Variants in PLB1 observed in about 807,000 individuals in gnomAD.
PLB1 encodes the protein phospholipase B1, membrane-associated.
In PLB1, 242 loss-of-function variants were observed where a neutral mutation model predicts 227.4. The ratio of observed to expected loss-of-function variants is 1.06; its 90% CI spans 0.96 to 1.18. The LOEUF (loss-of-function observed/expected upper bound fraction) is 1.18, where lower values mean the gene tolerates loss of function less well. PLB1 is among the 50% of genes most tolerant of loss of function. The pLI, the probability that PLB1 is intolerant of heterozygous loss-of-function variation, is 0.00. For missense variants in PLB1, 1,858 were observed against 1,816.3 expected, an observed-to-expected ratio of 1.02 and a Z score of -0.42; for synonymous variants, 757 against 682.2, an observed-to-expected ratio of 1.11 and a Z score of -1.71.
chr2:28,525,659 C>T (rs185358921), intron 5 of PLB1, among the ~76,000 whole-genome samples: 1 of 152,288 alleles, frequency 6.6e-6, no homozygotes, highest in African/African-American at 2.4e-5. Context: ...TCAGTTTCCC[C>T]TTGCAGCTTT....
At chr2:28,600,978 C>A in intron 36 of PLB1, 118 bp downstream of exon 36, 3 of 954,354 alleles carry the variant, frequency 3.1e-6, no homozygotes, top group South Asian at 3.0e-5. Context: ...GGCATTCAAG[C>A]AGTGGTCGGA....
intron 46 of PLB1, 130 bp from the exon 47 acceptor site, chr2:28,620,134 CT>C (rs1369296902): frequency 1.7e-6 from 1 of 575,482 alleles, no homozygotes; most frequent in East Asian, 3.0e-5. Flanking sequence ...TTAATATGGC[CT>C]GGAGAAAAGC....
chr2:28,620,179 C>A, intron 46 of PLB1, 86 bp from the exon 47 acceptor site: 1 of 895,924 alleles, frequency 1.1e-6, no homozygotes, highest in Non-Finnish European at 1.6e-6. Context: ...AATCCAGGTC[C>A]TAGCTGCTAC....
chr2:28,529,589 A>T, intron 7 of PLB1, 139 bp from the exon 8 acceptor site: 1 of 989,724 alleles, frequency 1.0e-6, no homozygotes, highest in South Asian at 1.6e-5. Flanking sequence ...TTTGAAAAAC[A>T]GGTCAATGCC....
intron 1 of PLB1, among the ~76,000 whole-genome samples, chr2:28,511,786 A>ATTTTTTTTTTTTTTT (rs1668285878): frequency 8.5e-6 from 1 of 117,164 alleles, no homozygotes; most frequent in African/African-American, 3.2e-5. Context: ...CAGCCATTTT[A>ATTTTTTTTTTTTTTT]TCTTTTTTTT....
At chr2:28,562,540 CAAAAA>C (rs60393903) in intron 17 of PLB1, among the ~76,000 whole-genome samples, 1 of 42,606 alleles carries the variant, frequency 2.3e-5, no homozygotes, top group Non-Finnish European at 3.9e-5. Flanking sequence ...GACTCTGTCT[CAAAAA>C]AAAAAAAAAA....
intron 49 of PLB1, among the ~76,000 whole-genome samples, chr2:28,622,384 A>G (rs544013745): frequency 2.4e-4 from 36 of 152,374 alleles, no homozygotes; most frequent in South Asian, 1.2e-3. Flanking sequence ...CAGGGTTGTC[A>G]TAAGGATTAA....
intron 21 of PLB1, 90 bp from the exon 22 acceptor site, chr2:28,578,017 C>T: frequency 7.5e-7 from 1 of 1,329,608 alleles, no homozygotes; most frequent in Non-Finnish European, 1.1e-6. Flanking sequence ...CTGGGCCTTC[C>T]TCCACCATAC....
At position 28,573,240 on chromosome 2, in the gene PLB1, T is replaced by C; in HGVS notation, c.1368T>C (p.Val456=). 6.2e-7 allele frequency: 1 copy of C among 1,614,166 alleles called. No homozygotes were observed. The highest frequency in any genetic ancestry group is 8.5e-7 in the Non-Finnish European group (1 of 1,180,014). The change falls in exon 21 of 58, where the codon GTT becomes GTC. Residue 456 remains valine (V), a synonymous_variant. Transcript: ENST00000327757. ...EFNPSLKGFS[V]GTGKETSPNA... ...ACCCTTCCCTGAAGGGCTTCTCTGT[T>C]GGCACTGGGAAAGAAACCAGTCCTA... is the stretch of plus-strand genomic sequence containing the variant.
chr2:28,578,708 T>C (rs1477971594), intron 22 of PLB1, among the ~76,000 whole-genome samples: 1 of 152,102 alleles, frequency 6.6e-6, no homozygotes, highest in East Asian at 1.9e-4. Flanking sequence ...CGGTCTCAAT[T>C]CAGAGGCTTT....
intron 1 of PLB1, among the ~76,000 whole-genome samples, chr2:28,503,779 G>A (rs771442265): frequency 1.2e-4 from 19 of 152,102 alleles, no homozygotes; most frequent in Non-Finnish European, 2.2e-4. Context: ...AAGCCACAAA[G>A]CCTTCTAATG....
chr2:28,531,108 A>G (rs1482992282), intron 8 of PLB1, among the ~76,000 whole-genome samples: 1 of 152,246 alleles, frequency 6.6e-6, no homozygotes, highest in African/African-American at 2.4e-5. Context: ...TACACAAGAA[A>G]TGCATGTTCA....
In PLB1 at chr2:28,630,574, C is replaced by T. The variant is rs764848596; in HGVS notation, c.3819-12C>T. On this transcript the variant is annotated splice_polypyrimidine_tract_variant and intron_variant, in intron 53 of 57. Transcript: ENST00000327757. ...CCCAGGCAGCCTCAATACAACACTC[C>T]CTGTCTCACAGGAACAACTGCACTT... 146 of 1,612,456 alleles carry T rather than the reference C, an allele frequency of 9.1e-5. 3 individuals are homozygous for T. The South Asian group carries it at 1.6e-3, about 17-fold the overall frequency.
intron 23 of PLB1, among the ~76,000 whole-genome samples, chr2:28,581,482 CAAAAAAAT>C (rs1201335237): frequency 6.9e-5 from 4 of 58,270 alleles, no homozygotes; most frequent in African/African-American, 3.5e-4. Flanking sequence ...GAGCTCCACG[CAAAAAAAT>C]AAATAAATAA....
chr2:28,581,540 TA>T (rs1680012183), intron 23 of PLB1, among the ~76,000 whole-genome samples: 1 of 133,762 alleles, frequency 7.5e-6, no homozygotes. Flanking sequence ...TAAATAAAAT[TA>T]AAAAAAGAGG....
intron 28 of PLB1, 34 bp from the exon 29 acceptor site, chr2:28,589,971 T>A (rs1367848875): frequency 3.8e-6 from 6 of 1,592,252 alleles, no homozygotes; most frequent in Non-Finnish European, 5.2e-6. Flanking sequence ...GGCCGCCTCT[T>A]CCTCACTCCC....
intron 30 of PLB1, 55 bp from the exon 31 acceptor site, chr2:28,591,645 A>C: frequency 6.4e-7 from 1 of 1,567,886 alleles, no homozygotes; most frequent in Non-Finnish European, 8.8e-7. Flanking sequence ...TCTGATAGCC[A>C]GTTTTTCTGG....
At chr2:28,533,016 G>A (rs1192257229) in intron 9 of PLB1, among the ~76,000 whole-genome samples, 3 of 152,182 alleles carry the variant, frequency 2.0e-5, no homozygotes, top group Admixed American at 6.5e-5. Flanking sequence ...CTGAAGACTG[G>A]CTGCTGCCAC....
chr2:28,614,113 A>G lies in PLB1; in HGVS notation c.3195+17A>G. On this transcript the variant is annotated intron_variant, in intron 44 of 57. Coordinates refer to ENST00000327757, the MANE Select transcript of PLB1 (RefSeq NM_153021.5). ...GCCATTGAGGTAACCCCTGACTCACATCTGCCTCTCTCAGACACAAACCAT... is the reference window on the plus strand; with the variant it reads ...GCCATTGAGGTAACCCCTGACTCACGTCTGCCTCTCTCAGACACAAACCAT... 6.3e-7 allele frequency: 1 copy of G among 1,599,682 alleles called. No individual in the cohort carries two copies. Among genetic ancestry groups the G allele is most frequent in the South Asian group, 1.1e-5 (1 of 90,788 alleles).
Sources: gnomAD v4.1 joint callset for allele counts (sites outside exome capture counted in the v4.1 genomes callset) on GRCh38, gnomAD v4.1.1 for gene constraint, MANE v1.5 for transcripts, NCBI Gene and HGNC (gene_info 2026-07-23, HGNC 2026-07-21) for gene names.